Variants in LRRC1 observed in about 807,000 individuals in gnomAD.
The protein encoded by LRRC1 is leucine rich repeat containing 1.
A neutral mutation model predicts 69.9 loss-of-function variants in LRRC1; 28 were observed. That is an observed-to-expected ratio of 0.40 (90% CI 0.30 to 0.55). The LOEUF (loss-of-function observed/expected upper bound fraction) is 0.55, where lower values mean the gene tolerates loss of function less well. Ranked by LOEUF, LRRC1 falls within the 20% of genes least tolerant of loss-of-function variation. The pLI is 0.47. For missense variants in LRRC1, 498 were observed against 609.0 expected, an observed-to-expected ratio of 0.82 and a Z score of 1.92; for synonymous variants, 236 against 240.2, an observed-to-expected ratio of 0.98 and a Z score of 0.16.
intron 2 of LRRC1, among the ~76,000 whole-genome samples, chr6:53,858,330 G>A (rs1325777575): frequency 2.0e-5 from 3 of 151,874 alleles, no homozygotes; most frequent in Admixed American, 2.0e-4. Context: ...GCAAGTAAAA[G>A]AAAAGTCAAC....
intron 2 of LRRC1, among the ~76,000 whole-genome samples, chr6:53,845,522 G>GA (rs1765915457): frequency 6.6e-6 from 1 of 152,200 alleles, no homozygotes; most frequent in South Asian, 2.1e-4. Flanking sequence ...TGTTGCCCCA[G>GA]ATGGCGGTGC....
Position 53,795,085 on chromosome 6 carries a change from A to G in LRRC1, c.-172A>G, listed in dbSNP as rs1351530418. ...GGGACGGGGCAGGGGCTCCCGCTCC[A>G]GGTTCCTTGAAGCACTTCCGACCGC... is the stretch of plus-strand genomic sequence containing the variant. On this transcript the variant is annotated 5_prime_UTR_variant, in exon 1 of 14. Transcript: ENST00000370888. 4 of 579,234 alleles carry G rather than the reference A, an allele frequency of 6.9e-6. No individual in the cohort carries two copies. Among genetic ancestry groups the G allele is most frequent in the African/African-American group, 2.0e-5 (1 of 50,496 alleles). The allele number at this position is 579,234 out of a possible 1,614,324, so 35.9% of individuals were successfully genotyped here.
rs144776314 is a variant in LRRC1, at chr6:53,865,780, G to A, written c.278-13213G>A. On this transcript the variant is annotated intron_variant, in intron 2 of 13. Coordinates refer to ENST00000370888, the MANE Select transcript of LRRC1 (RefSeq NM_018214.5). Reference sequence around the variant, plus strand: ...CTTTGCCACCAGGCTGGAGTACAGTGGTGTGATCTCGGCTCACTGCAACCT... The same window carrying A: ...CTTTGCCACCAGGCTGGAGTACAGTAGTGTGATCTCGGCTCACTGCAACCT... Among the ~76,000 whole-genome samples the A allele has an allele frequency of 1.3e-3, 196 of 151,200 alleles. 1 individual carries two copies. The highest frequency in any genetic ancestry group is 4.7e-3 in the African/African-American group (192 of 41,054).
intron 1 of LRRC1, among the ~76,000 whole-genome samples, chr6:53,829,327 C>T (rs1045967012): frequency 3.3e-5 from 5 of 152,130 alleles, no homozygotes; most frequent in Non-Finnish European, 4.4e-5. Flanking sequence ...ATGTAGAGTG[C>T]CTGGCCTAAT....
At position 53,865,341 on chromosome 6, in the gene LRRC1, A is replaced by G. The variant is rs1015659169; in HGVS notation, c.278-13652A>G. On this transcript the variant is annotated intron_variant, in intron 2 of 13. Coordinates refer to ENST00000370888, the MANE Select transcript of LRRC1 (RefSeq NM_018214.5). ...TGGGCTTACCTGTAGGTCACATCTT[A>G]TATATTTTCTCCTTAAACACTCAAA... Among the ~76,000 whole-genome samples, 9 of 152,112 alleles carry G rather than the reference A, an allele frequency of 5.9e-5. 1 individual carries two copies. Among genetic ancestry groups the G allele is most frequent in the Admixed American group, 3.9e-4 (6 of 15,276 alleles).
chr6:53,819,791 G>A (rs774283306), intron 1 of LRRC1, among the ~76,000 whole-genome samples: 1 of 152,110 alleles, frequency 6.6e-6, no homozygotes, highest in Non-Finnish European at 1.5e-5. Flanking sequence ...TCCTTAAAAT[G>A]TGCTACCTCA....
intron 4 of LRRC1, among the ~76,000 whole-genome samples, chr6:53,889,864 C>T (rs1466591169): frequency 6.6e-6 from 1 of 152,128 alleles, no homozygotes. Context: ...TGATGTTATA[C>T]CTGGGAAACC....
At chr6:53,813,544 T>TTG (rs890769708) in intron 1 of LRRC1, among the ~76,000 whole-genome samples, 1 of 145,468 alleles carries the variant, frequency 6.9e-6, no homozygotes, top group African/African-American at 2.8e-5. Flanking sequence ...TGGTTTTTTT[T>TTG]TTTTTCTTTT....
chr6:53,821,706 A>G (rs1765120222), intron 1 of LRRC1, among the ~76,000 whole-genome samples: 1 of 152,086 alleles, frequency 6.6e-6, no homozygotes, highest in Admixed American at 6.5e-5. Context: ...TTCCCAGATT[A>G]TTGTTCTCTG....
chr6:53,853,280 ATAT>A (rs1766198406), intron 2 of LRRC1, among the ~76,000 whole-genome samples: 1 of 125,406 alleles, frequency 8.0e-6, no homozygotes, highest in Non-Finnish European at 1.6e-5. Flanking sequence ...CAGGTGGTTC[ATAT>A]TTTTTTTTTT....
At chr6:53,912,590 A>C (rs1044013795) in intron 10 of LRRC1, among the ~76,000 whole-genome samples, 1 of 152,204 alleles carries the variant, frequency 6.6e-6, no homozygotes, top group Non-Finnish European at 1.5e-5. Context: ...CATTATGGTT[A>C]AATATTGTGG....
chr6:53,899,602 GC>G (rs1222924085), intron 7 of LRRC1, 144 bp from the exon 8 acceptor site: 8 of 637,552 alleles, frequency 1.3e-5, no homozygotes, highest in Non-Finnish European at 2.0e-5. Context: ...CTAGGAATTT[GC>G]CCCTGCCTTC....
intron 1 of LRRC1, among the ~76,000 whole-genome samples, chr6:53,803,247 C>T (rs1003483826): frequency 2.0e-5 from 3 of 152,138 alleles, no homozygotes; most frequent in African/African-American, 7.2e-5. Context: ...GATGACAGAT[C>T]CCAGACATGG....
At chr6:53,904,493 T>C in intron 10 of LRRC1, 31 bp downstream of exon 10, 1 of 1,346,680 alleles carries the variant, frequency 7.4e-7, no homozygotes, top group Non-Finnish European at 1.0e-6. Flanking sequence ...CACATGATAA[T>C]AATTATGAAG....
At chr6:53,914,498 CA>C (rs1256427911) in intron 11 of LRRC1, among the ~76,000 whole-genome samples, 1 of 152,052 alleles carries the variant, frequency 6.6e-6, no homozygotes, top group Non-Finnish European at 1.5e-5. Flanking sequence ...ATTCATAATA[CA>C]AAAAAAGTTC....
chr6:53,849,417 C>T (rs1047529165), intron 2 of LRRC1, among the ~76,000 whole-genome samples: 2 of 152,126 alleles, frequency 1.3e-5, no homozygotes, highest in African/African-American at 2.4e-5. Context: ...TTAATTAGGC[C>T]GTTTCTGTAG....
intron 3 of LRRC1, among the ~76,000 whole-genome samples, chr6:53,881,148 G>C (rs551123547): frequency 1.3e-5 from 2 of 152,174 alleles, no homozygotes; most frequent in Non-Finnish European, 2.9e-5. Flanking sequence ...CAGGTGTGCT[G>C]TTTTTTAAGA....
At chr6:53,887,086 A>T (rs1202035433) in intron 4 of LRRC1, among the ~76,000 whole-genome samples, 1 of 152,136 alleles carries the variant, frequency 6.6e-6, no homozygotes, top group Admixed American at 6.5e-5. Context: ...GTTCTGGAAG[A>T]TTTATGCTAG....
chr6:53,811,971 A>G (rs1443326408), intron 1 of LRRC1, among the ~76,000 whole-genome samples: 1 of 152,262 alleles, frequency 6.6e-6, no homozygotes, highest in Admixed American at 6.5e-5. Context: ...ACCTGAGCAG[A>G]TCAGGTCGTG....
Sources: gnomAD v4.1 joint callset for allele counts (sites outside exome capture counted in the v4.1 genomes callset) on GRCh38, gnomAD v4.1.1 for gene constraint, MANE v1.5 for transcripts, NCBI Gene and HGNC (gene_info 2026-07-23, HGNC 2026-07-21) for gene names.